Variants in CDH13 observed in about 807,000 individuals in gnomAD.
The protein encoded by CDH13 is cadherin 13, also known as cadherin-13.
CDH13 carries 24 observed loss-of-function variants against 63.8 expected under a neutral mutation model. The observed-to-expected ratio is 0.38, with a 90% CI of 0.27 to 0.53. The LOEUF is 0.53. Ranked by LOEUF, CDH13 falls within the 20% of genes least tolerant of loss-of-function variation. The probability of loss-of-function intolerance (pLI) is 0.85; values close to 1 mark genes in which losing one functional copy is unlikely to be tolerated. For missense variants in CDH13, 1,049 were observed against 903.1 expected (o/e 1.16, Z -2.07); for synonymous variants, 503 against 355.3 (o/e 1.42, Z -4.67).
chr16:83,379,938 T>TATATATAGAGAGAGAGAGAGAG, intron 6 of CDH13, among the ~76,000 whole-genome samples: 301 of 123,436 alleles, frequency 2.4e-3, no homozygotes, highest in Non-Finnish European at 3.1e-3. Flanking sequence ...TATATATATA[T>TATATATAGAGAGAGAGAGAGAG]AGAGAGAGAG....
At chr16:82,733,197 T>C (rs542324774) in intron 1 of CDH13, among the ~76,000 whole-genome samples, 90 of 152,314 alleles carry the variant, frequency 5.9e-4, no homozygotes, top group African/African-American at 2.1e-3. Flanking sequence ...GCTTTACATA[T>C]GCAGACAAGT....
intron 2 of CDH13, among the ~76,000 whole-genome samples, chr16:82,947,446 T>C (rs942735958): frequency 2.6e-5 from 4 of 152,198 alleles, no homozygotes; most frequent in African/African-American, 9.7e-5. Context: ...TGAAATCAGA[T>C]ATTATCCATA....
chr16:82,672,223 A>G (rs1263645662), intron 1 of CDH13, among the ~76,000 whole-genome samples: 1 of 152,208 alleles, frequency 6.6e-6, no homozygotes, highest in East Asian at 1.9e-4. Flanking sequence ...AATAATAACA[A>G]TAACTATCTC....
intron 5 of CDH13, among the ~76,000 whole-genome samples, chr16:83,321,729 C>T (rs1755311180): frequency 1.3e-5 from 2 of 152,036 alleles, no homozygotes; most frequent in South Asian, 2.1e-4. Context: ...AGGGTTTCAT[C>T]GTGTTAGCCA....
chr16:83,503,745 T>G (rs2074336077), intron 7 of CDH13, among the ~76,000 whole-genome samples: 1 of 152,186 alleles, frequency 6.6e-6, no homozygotes, highest in Admixed American at 6.5e-5. Flanking sequence ...GTTGTTTGTT[T>G]TTTTTCTTGT....
At chr16:83,486,330 A>G in intron 6 of CDH13, 147 bp from the exon 7 acceptor site, 1 of 577,936 alleles carries the variant, frequency 1.7e-6, no homozygotes, top group Non-Finnish European at 2.9e-6. Flanking sequence ...AAGCTGAAAC[A>G]TAGCAAAGCT....
chr16:83,333,061 G>A (rs888301005), intron 5 of CDH13, among the ~76,000 whole-genome samples: 8 of 152,108 alleles, frequency 5.3e-5, no homozygotes, highest in South Asian at 2.1e-4. Context: ...CCCTTTGATC[G>A]TTTTTATAAG....
chr16:83,519,204 A>C (rs2074771903), intron 7 of CDH13, among the ~76,000 whole-genome samples: 1 of 152,180 alleles, frequency 6.6e-6, no homozygotes, highest in Non-Finnish European at 1.5e-5. Context: ...TGGAAGGAGA[A>C]ATACCAGGAG....
chr16:83,591,891 T>C (rs1317533878), intron 7 of CDH13, among the ~76,000 whole-genome samples: 3 of 152,206 alleles, frequency 2.0e-5, no homozygotes, highest in African/African-American at 7.2e-5. Context: ...AATGACTACT[T>C]TTAATAGAGT....
intron 3 of CDH13, among the ~76,000 whole-genome samples, chr16:83,118,956 C>T (rs977830338): frequency 6.6e-6 from 1 of 152,176 alleles, no homozygotes; most frequent in East Asian, 1.9e-4. Context: ...AGCCCCATTC[C>T]TTGTCTCCCA....
At chr16:83,504,278 G>T (rs1423831368) in intron 7 of CDH13, among the ~76,000 whole-genome samples, 1 of 152,144 alleles carries the variant, frequency 6.6e-6, no homozygotes, top group African/African-American at 2.4e-5. Flanking sequence ...ACAACCTCCA[G>T]CCCCTCCACA....
chr16:83,366,377 C>A (rs114893769), intron 6 of CDH13, among the ~76,000 whole-genome samples: 1 of 152,190 alleles, frequency 6.6e-6, no homozygotes, highest in East Asian at 1.9e-4. Flanking sequence ...CTCATTACCA[C>A]GAACCGTCTT....
intron 3 of CDH13, among the ~76,000 whole-genome samples, chr16:83,119,427 G>C (rs1311586357): frequency 6.6e-6 from 1 of 152,048 alleles, no homozygotes; most frequent in Non-Finnish European, 1.5e-5. Flanking sequence ...ACGTCAACAG[G>C]TCTACTCTAG....
At chr16:82,778,213 C>T (rs2035586737) in intron 1 of CDH13, among the ~76,000 whole-genome samples, 1 of 152,142 alleles carries the variant, frequency 6.6e-6, no homozygotes, top group African/African-American at 2.4e-5. Context: ...CCAGAAAAAT[C>T]TCTTTTGTCT....
intron 11 of CDH13, 59 bp downstream of exon 11, chr16:83,748,309 A>G: frequency 2.0e-6 from 3 of 1,484,384 alleles, no homozygotes; most frequent in Non-Finnish European, 9.1e-7. Context: ...ATACTTTTAC[A>G]TTTTTAAATT....
chr16:82,694,130 GTTAATTTATTCAC>G (rs1408381926), intron 1 of CDH13, among the ~76,000 whole-genome samples: 3 of 152,168 alleles, frequency 2.0e-5, no homozygotes, highest in Non-Finnish European at 4.4e-5. Context: ...TGTCTCCCCA[GTTAATTTATTCAC>G]TTGCATATAG....
At chr16:83,539,120 C>G (rs1337756172) in intron 7 of CDH13, among the ~76,000 whole-genome samples, 1 of 152,084 alleles carries the variant, frequency 6.6e-6, no homozygotes, top group Admixed American at 6.5e-5. Context: ...ATCCTTAGAA[C>G]AGTGGTCCCC....
intron 6 of CDH13, among the ~76,000 whole-genome samples, chr16:83,461,570 T>C (rs576645790): frequency 2.0e-5 from 3 of 152,312 alleles, no homozygotes; most frequent in Non-Finnish European, 4.4e-5. Flanking sequence ...GGGGTCTTAG[T>C]TGACAAGTTC....
chr16:83,023,061 T>G (rs1226788582), intron 2 of CDH13: 4 of 152,144 alleles, frequency 2.6e-5, no homozygotes, highest in Non-Finnish European at 5.9e-5. Context: ...AGAACCACCT[T>G]CAAAAGAAAG....
Sources: gnomAD v4.1 joint callset for allele counts (sites outside exome capture counted in the v4.1 genomes callset) on GRCh38, gnomAD v4.1.1 for gene constraint, MANE v1.5 for transcripts, NCBI Gene and HGNC (gene_info 2026-07-23, HGNC 2026-07-21) for gene names.